Variants in TRPM8 observed in about 807,000 individuals in gnomAD.
The protein encoded by TRPM8 is transient receptor potential cation channel subfamily M member 8, also known as TRPM8 cationic channel.
TRPM8 carries 110 observed loss-of-function variants against 133.7 expected under a neutral mutation model. The observed-to-expected ratio is 0.82, with a 90% CI of 0.70 to 0.96. The LOEUF is 0.96. Ranked by LOEUF, TRPM8 falls within the 40% of genes least tolerant of loss-of-function variation. The pLI is 0.00. For missense variants in TRPM8, 1,291 were observed against 1,379.5 expected (o/e 0.94, Z 1.02); for synonymous variants, 535 against 532.3 (o/e 1.01, Z -0.07).
intron 5 of TRPM8, among the ~76,000 whole-genome samples, chr2:233,942,288 C>A (rs1690928125): frequency 6.6e-6 from 1 of 152,040 alleles, no homozygotes; most frequent in African/African-American, 2.4e-5. Flanking sequence ...CCATCTTGGC[C>A]AGGCTGGTCA....
In TRPM8 at chr2:233,981,930, T is replaced by C; in HGVS notation, c.2589+15T>C. The C allele has an allele frequency of 1.3e-6, 2 of 1,587,336 alleles. No individual in the cohort carries two copies. Among genetic ancestry groups the C allele is most frequent in the South Asian group, 2.3e-5 (2 of 85,464 alleles). On this transcript the variant is annotated intron_variant, in intron 19 of 25. Coordinates refer to ENST00000324695, the MANE Select transcript of TRPM8 (RefSeq NM_024080.5). ...TGCAGAGGATGGTAAGAGTCAAGAA[T>C]ATTTGTAGTCATCATTTTTCTTGCG...
intron 7 of TRPM8, 180 bp downstream of exon 7, chr2:233,946,210 G>A (rs1691040339): frequency 1.6e-6 from 1 of 612,122 alleles, no homozygotes; most frequent in South Asian, 2.1e-5. Flanking sequence ...GCTTCTGCCA[G>A]GGTCAATGTG....
At chr2:234,010,474 T>G (rs17864777) in intron 24 of TRPM8, among the ~76,000 whole-genome samples, 9,468 of 152,324 alleles carry the variant, frequency 0.062, 328 homozygotes, top group East Asian at 0.12. Context: ...TGATCCTGAT[T>G]TCAATTCTTT....
At chr2:233,936,859 T>G (rs1690754979) in intron 3 of TRPM8, among the ~76,000 whole-genome samples, 1 of 151,174 alleles carries the variant, frequency 6.6e-6, no homozygotes, top group African/African-American at 2.4e-5. Flanking sequence ...ACACCAGGGA[T>G]AAAACATCAA....
rs938235955 is a variant in TRPM8 at position 233,989,353 on chromosome 2, G to A, written c.2939+3488G>A. On this transcript the variant is annotated intron_variant, in intron 21 of 25. Coordinates refer to ENST00000324695, the MANE Select transcript of TRPM8 (RefSeq NM_024080.5). This position sits in a 1 kb window ranked among gnomAD's most constrained non-coding sequence, Gnocchi z 4.2. ...CAGGTCTCTTCCCCACGAGGCCAGA[G>A]CCACTGCATCACATCCTACTGTTGC... Among the ~76,000 whole-genome samples, 1 of 152,218 alleles carries A rather than the reference G, an allele frequency of 6.6e-6. No homozygotes were observed. The highest frequency in any genetic ancestry group is 2.4e-5 in the African/African-American group (1 of 41,456).
At chr2:234,009,680 AT>A (rs1337155773) in intron 24 of TRPM8, among the ~76,000 whole-genome samples, 3 of 151,680 alleles carry the variant, frequency 2.0e-5, no homozygotes, top group Non-Finnish European at 4.4e-5. Context: ...TTTTTTTAAA[AT>A]TTCCCCCTCT....
At chr2:234,001,866 T>A (rs894404212) in intron 22 of TRPM8, among the ~76,000 whole-genome samples, 1 of 152,066 alleles carries the variant, frequency 6.6e-6, no homozygotes, top group African/African-American at 2.4e-5. Context: ...TGAGGGGGAC[T>A]GGGAGAGCTG....
intron 17 of TRPM8, among the ~76,000 whole-genome samples, chr2:233,979,315 C>A (rs901166563): frequency 1.3e-5 from 2 of 152,194 alleles, no homozygotes; most frequent in African/African-American, 4.8e-5. Flanking sequence ...GTCTTTCCCA[C>A]CAAACAGTAG....
At chr2:234,001,840 C>A (rs888118548) in intron 22 of TRPM8, among the ~76,000 whole-genome samples, 7 of 152,040 alleles carry the variant, frequency 4.6e-5, no homozygotes, top group African/African-American at 1.7e-4. Flanking sequence ...TCGCGGAGAG[C>A]CTGCGATGCA....
At chr2:233,981,690 CTTGAAA>C in intron 18 of TRPM8, 78 bp from the exon 19 acceptor site, 1 of 1,423,736 alleles carries the variant, frequency 7.0e-7, no homozygotes, top group Non-Finnish European at 9.5e-7. Context: ...TTGCCTGTTT[CTTGAAA>C]TTGGGTTATT....
intron 22 of TRPM8, among the ~76,000 whole-genome samples, chr2:234,006,290 TA>T (rs957136003): frequency 3.9e-5 from 6 of 152,176 alleles, no homozygotes; most frequent in African/African-American, 1.4e-4. Flanking sequence ...GGAATTGAAC[TA>T]AAAATCTTAC....
intron 20 of TRPM8, 123 bp downstream of exon 20, chr2:233,983,347 A>G (rs1692062576): frequency 9.0e-7 from 1 of 1,110,974 alleles, no homozygotes. Context: ...GTCCAACATA[A>G]CAGAGTAAAA....
In TRPM8 at chr2:233,996,276, G is replaced by A. The variant is rs775166268; in HGVS notation, c.2940-50G>A. The A allele has an allele frequency of 1.9e-5, 30 of 1,554,918 alleles. No homozygotes were observed. The Admixed American group carries it at 2.1e-4, about 11-fold the overall frequency. ...CTATTACCATACTAGGCAGTTTAGC[G>A]ATGAGGCATGCGCAATGCTAAGTCT... On this transcript the variant is annotated intron_variant, in intron 21 of 25. Coordinates refer to ENST00000324695, the MANE Select transcript of TRPM8 (RefSeq NM_024080.5).
chr2:233,993,741 G>T (rs988585818), intron 21 of TRPM8, among the ~76,000 whole-genome samples: 1 of 152,170 alleles, frequency 6.6e-6, no homozygotes, highest in African/African-American at 2.4e-5. Context: ...GCTCTCTGAG[G>T]AAGATGGGGG....
At chr2:233,968,992 G>A (rs892373540) in intron 15 of TRPM8, among the ~76,000 whole-genome samples, 1 of 152,030 alleles carries the variant, frequency 6.6e-6, no homozygotes, top group Non-Finnish European at 1.5e-5. Context: ...TGAATCGTTG[G>A]GGACCCTACA....
At chr2:233,926,831 T>C (rs1691527390) in intron 2 of TRPM8, among the ~76,000 whole-genome samples, 177 bp downstream of exon 2, 2 of 152,124 alleles carry the variant, frequency 1.3e-5, no homozygotes, top group Non-Finnish European at 2.9e-5. Flanking sequence ...CACAGTCCCT[T>C]CTCCAGCTCT....
intron 22 of TRPM8, among the ~76,000 whole-genome samples, chr2:234,005,672 A>G (rs1692674592): frequency 6.6e-6 from 1 of 152,148 alleles, no homozygotes; most frequent in African/African-American, 2.4e-5. Context: ...GAACTTTGGG[A>G]GGCCGAGGCA....
At chr2:233,980,060 G>A in intron 17 of TRPM8, 128 bp from the exon 18 acceptor site, 1 of 706,420 alleles carries the variant, frequency 1.4e-6, no homozygotes, top group Non-Finnish European at 2.4e-6. Context: ...CTTGGCATAT[G>A]AAAGAATAAA....
intron 5 of TRPM8, among the ~76,000 whole-genome samples, chr2:233,942,330 G>A (rs1270351895): frequency 1.3e-5 from 2 of 152,030 alleles, no homozygotes; most frequent in African/African-American, 4.8e-5. Context: ...CACTCGCCTT[G>A]GCCTCCCAAA....
Sources: gnomAD v4.1 joint callset for allele counts (sites outside exome capture counted in the v4.1 genomes callset) on GRCh38, gnomAD v4.1.1 for gene constraint, Gnocchi (gnomAD v3.1) non-coding constraint, MANE v1.5 for transcripts, NCBI Gene and HGNC (gene_info 2026-07-23, HGNC 2026-07-21) for gene names.